Variants in CSMD1 observed in about 807,000 individuals in gnomAD.
CSMD1 encodes the protein CUB and sushi domain-containing protein 1.
Under a neutral mutation model 417.5 loss-of-function variants are expected in CSMD1, and 213 were observed. The observed-to-expected ratio is 0.51, with a 90% confidence interval of 0.46 to 0.57. The LOEUF (loss-of-function observed/expected upper bound fraction) is 0.57, where lower values mean the gene tolerates loss of function less well. Among genes scored for constraint, CSMD1 ranks in the 20% least tolerant of loss-of-function variants. The pLI is 0.00. For synonymous variants in CSMD1, 2,862 were observed against 1,736.8 expected (o/e 1.65, Z -16.11); for missense variants, 6,923 against 4,529.7 (o/e 1.53, Z -15.17).
chr8:4,948,898 A>G (rs1808548441), intron 1 of CSMD1, among the ~76,000 whole-genome samples: 1 of 152,128 alleles, frequency 6.6e-6, no homozygotes, highest in African/African-American at 2.4e-5. Flanking sequence ...CCATGTTTTT[A>G]CATAAAAATA....
chr8:3,599,487 A>C (rs1016938084), intron 8 of CSMD1, among the ~76,000 whole-genome samples: 5 of 152,098 alleles, frequency 3.3e-5, no homozygotes, highest in African/African-American at 1.2e-4. Flanking sequence ...TAGTAACCCC[A>C]ACGCAGAGTT....
intron 3 of CSMD1, among the ~76,000 whole-genome samples, chr8:4,151,429 G>C (rs1347652001): frequency 6.6e-6 from 1 of 152,118 alleles, no homozygotes; most frequent in African/African-American, 2.4e-5. Flanking sequence ...TAAATTCTGA[G>C]ACATTTGTAA....
chr8:3,275,404 G>A (rs1033551820), intron 26 of CSMD1, among the ~76,000 whole-genome samples: 2 of 152,062 alleles, frequency 1.3e-5, no homozygotes, highest in African/African-American at 4.8e-5. Context: ...ACAATTATGT[G>A]TCTTGGTGTT....
At chr8:4,029,575 C>G (rs1020376976) in intron 4 of CSMD1, among the ~76,000 whole-genome samples, 1 of 152,102 alleles carries the variant, frequency 6.6e-6, no homozygotes, top group African/African-American at 2.4e-5. Context: ...CTGGCTTCCT[C>G]CCACATGTGA....
At chr8:3,591,331 T>A (rs1228914004) in intron 8 of CSMD1, among the ~76,000 whole-genome samples, 1 of 152,214 alleles carries the variant, frequency 6.6e-6, no homozygotes, top group Admixed American at 6.5e-5. Flanking sequence ...CGGAAGACAT[T>A]TATCACCATA....
chr8:3,617,854 G>A (rs527704432), intron 7 of CSMD1, among the ~76,000 whole-genome samples: 1 of 152,230 alleles, frequency 6.6e-6, no homozygotes, highest in South Asian at 2.1e-4. Flanking sequence ...ATTATTTGTA[G>A]CTGAAAGGTA....
At chr8:3,534,144 T>C (rs549628954) in intron 10 of CSMD1, among the ~76,000 whole-genome samples, 1 of 152,306 alleles carries the variant, frequency 6.6e-6, no homozygotes, top group Non-Finnish European at 1.5e-5. Context: ...CACTGTGAAA[T>C]AACAAATACC....
At chr8:3,717,434 A>T (rs867030314) in intron 6 of CSMD1, among the ~76,000 whole-genome samples, 1 of 151,964 alleles carries the variant, frequency 6.6e-6, no homozygotes, top group Non-Finnish European at 1.5e-5. Flanking sequence ...TGCTTTTTTT[A>T]TCATTTATTG....
At chr8:3,404,873 C>G (rs528750759) in intron 15 of CSMD1, among the ~76,000 whole-genome samples, 2 of 152,246 alleles carry the variant, frequency 1.3e-5, no homozygotes, top group East Asian at 3.9e-4. Flanking sequence ...TTTATCTAAT[C>G]AGTCCTCTGC....
intron 2 of CSMD1, among the ~76,000 whole-genome samples, chr8:4,552,933 G>C (rs1474798317): frequency 3.9e-5 from 6 of 152,130 alleles, no homozygotes; most frequent in African/African-American, 1.4e-4. Flanking sequence ...CCCCAGAAGG[G>C]CCAGGCCTTC....
intron 3 of CSMD1, among the ~76,000 whole-genome samples, chr8:4,277,232 C>T (rs899221395): frequency 2.0e-5 from 3 of 151,822 alleles, no homozygotes; most frequent in African/African-American, 7.3e-5. Context: ...CAGACACATA[C>T]ATACTGCTGT....
In CSMD1 at chr8:3,695,920, T is replaced by C. The variant is rs574916284; in HGVS notation, c.1009+12494A>G. 1.6e-3 allele frequency among the ~76,000 whole-genome samples: 237 copies of C among 152,340 alleles called. 1 individual carries two copies. Among genetic ancestry groups the C allele is most frequent in the African/African-American group, 5.4e-3 (226 of 41,578 alleles). ...TTGATATCTTTCTAATTATTTTCTA[T>C]CTTTGTAGGAACAAGACAAATCAGA... On this transcript the variant is annotated intron_variant, in intron 7 of 69. Coordinates refer to ENST00000635120, the MANE Select transcript of CSMD1 (RefSeq NM_033225.6).
chr8:4,828,978 CAT>C (rs1445999694), intron 1 of CSMD1, among the ~76,000 whole-genome samples: 3 of 152,232 alleles, frequency 2.0e-5, no homozygotes, highest in South Asian at 2.1e-4. Context: ...TAACCTGACA[CAT>C]GATTATTTAT....
At chr8:3,715,869 G>A (rs1042148384) in intron 6 of CSMD1, among the ~76,000 whole-genome samples, 12 of 152,060 alleles carry the variant, frequency 7.9e-5, no homozygotes, top group East Asian at 3.9e-4. Context: ...AAAGGCACAC[G>A]GCCTGCAGAC....
At chr8:4,711,589 T>A (rs948232142) in intron 1 of CSMD1, among the ~76,000 whole-genome samples, 1 of 152,116 alleles carries the variant, frequency 6.6e-6, no homozygotes. Flanking sequence ...AATATATTGG[T>A]ACTAAATTAG....
chr8:3,502,480 G>C lies in CSMD1; in HGVS notation c.1345-8754C>G, dbSNP rs189838556. On this transcript the variant is annotated intron_variant, in intron 10 of 69. Transcript: ENST00000635120. ...AAGCAACCAATATGTCCTTCAGCAGGTGAATGGATAAACTGTGGTATATCC... is the reference window on the plus strand; with the variant it reads ...AAGCAACCAATATGTCCTTCAGCAGCTGAATGGATAAACTGTGGTATATCC... Among the ~76,000 whole-genome samples the C allele has an allele frequency of 1.8e-3, 277 of 152,220 alleles. 1 individual carries two copies. Among genetic ancestry groups the C allele is most frequent in the African/African-American group, 6.2e-3 (258 of 41,524 alleles).
At chr8:4,382,033 T>C (rs1803138556) in intron 3 of CSMD1, among the ~76,000 whole-genome samples, 1 of 152,194 alleles carries the variant, frequency 6.6e-6, no homozygotes. Context: ...GGGGTCTGAA[T>C]TTCTGTTATG....
intron 3 of CSMD1, among the ~76,000 whole-genome samples, chr8:4,064,070 G>A (rs1019183152): frequency 1.3e-5 from 2 of 152,200 alleles, no homozygotes; most frequent in African/African-American, 2.4e-5. Context: ...AGTGCGCAGT[G>A]TGAAGCCCAT....
chr8:3,595,163 T>A (rs945726533), intron 8 of CSMD1, among the ~76,000 whole-genome samples: 6 of 152,202 alleles, frequency 3.9e-5, no homozygotes, highest in African/African-American at 1.4e-4. Flanking sequence ...GGATGGCCTC[T>A]GCTGAGGGAT....
Sources: gnomAD v4.1 joint callset for allele counts (sites outside exome capture counted in the v4.1 genomes callset) on GRCh38, gnomAD v4.1.1 for gene constraint, MANE v1.5 for transcripts, NCBI Gene and HGNC (gene_info 2026-07-23, HGNC 2026-07-21) for gene names.